The following STXBP5L variants were observed in gnomAD, a reference collection of about 807,000 sequenced individuals.
The protein encoded by STXBP5L is syntaxin-binding protein 5-like.
STXBP5L carries 65 observed loss-of-function variants against 144.5 expected under a neutral mutation model. The ratio of observed to expected loss-of-function variants is 0.45; its 90% CI spans 0.37 to 0.55. The LOEUF is 0.55. STXBP5L is among the 20% of genes least tolerant of loss of function. The pLI is 0.00. For missense variants in STXBP5L, 1,298 were observed against 1,405.5 expected, an observed-to-expected ratio of 0.92 and a Z score of 1.22; for synonymous variants, 505 against 469.6, an observed-to-expected ratio of 1.08 and a Z score of -0.97.
intron 9 of STXBP5L, among the ~76,000 whole-genome samples, chr3:121,201,868 G>C (rs1174235191): frequency 6.6e-6 from 1 of 152,124 alleles, no homozygotes; most frequent in Non-Finnish European, 1.5e-5. Context: ...GGATTCTCGT[G>C]CCTCAGCCTC....
chr3:121,407,557 G>A lies in STXBP5L; in HGVS notation c.2902G>A (p.Ala968Thr), dbSNP rs190278242. The stretch of plus-strand genomic sequence containing the variant: ...AAATGTGGTGGTCATGTGTAGCAGT[G>A]CCTGCTTGGCATGCTTTTGTGCTAA... ...QANVVVMCSS[A>T]CLACFCANGH... The change falls in exon 23 of 27, where the codon GCC (alanine) becomes ACC (threonine). Residue 968 changes from alanine (A) to threonine (T), a missense_variant. Coordinates refer to ENST00000471454, the MANE Select transcript of STXBP5L (RefSeq NM_001308330.2). The A allele has an allele frequency of 2.0e-4, 329 of 1,613,346 alleles. No individual in the cohort carries two copies. The African/African-American group carries it at 4.1e-3, about 20-fold the overall frequency.
intron 7 of STXBP5L, among the ~76,000 whole-genome samples, chr3:121,141,446 C>G (rs1230940174): frequency 1.3e-5 from 2 of 151,828 alleles, no homozygotes; most frequent in South Asian, 2.1e-4. Context: ...GGTAAATATA[C>G]AAACAAATTC....
intron 4 of STXBP5L, among the ~76,000 whole-genome samples, chr3:121,044,095 C>T (rs1947345289): frequency 6.6e-6 from 1 of 151,940 alleles, no homozygotes; most frequent in Non-Finnish European, 1.5e-5. Flanking sequence ...TATAGAATAC[C>T]TCCTATTTCA....
At chr3:121,074,121 A>G (rs1560093623) in intron 5 of STXBP5L, among the ~76,000 whole-genome samples, 1 of 152,170 alleles carries the variant, frequency 6.6e-6, no homozygotes, top group Non-Finnish European at 1.5e-5. Context: ...TTCCTCAAAA[A>G]TGATTGGGGG....
intron 3 of STXBP5L, among the ~76,000 whole-genome samples, chr3:120,973,549 A>AT (rs1261721616): frequency 1.1e-4 from 16 of 150,434 alleles, no homozygotes; most frequent in Non-Finnish European, 1.3e-4. Flanking sequence ...GATTCTTTAT[A>AT]TTTTTTTATT....
rs377402641 is a variant in STXBP5L, at chr3:121,187,378, A to G, written c.878-18545A>G. On this transcript the variant is annotated intron_variant, in intron 9 of 26. Coordinates refer to ENST00000471454, the MANE Select transcript of STXBP5L (RefSeq NM_001308330.2). ...AGAACACATGGACACAGGAAGGGGA[A>G]CATCACACACTGGGGCCTGTTGTAG... Among the ~76,000 whole-genome samples, 47 of 133,244 alleles carry G rather than the reference A, an allele frequency of 3.5e-4. No homozygotes were observed. The East Asian group carries it at 8.6e-3, about 24-fold the overall frequency. 87.4% of individuals were successfully genotyped at this position (133,244 alleles called of 152,430 possible).
chr3:121,001,787 C>A (rs1444258076), intron 3 of STXBP5L, among the ~76,000 whole-genome samples: 1 of 151,818 alleles, frequency 6.6e-6, no homozygotes, highest in Non-Finnish European at 1.5e-5. Context: ...ACTCTCAAAG[C>A]CTTCCTTCTG....
intron 5 of STXBP5L, among the ~76,000 whole-genome samples, chr3:121,091,815 A>T (rs1313034242): frequency 6.6e-6 from 1 of 151,918 alleles, no homozygotes; most frequent in Non-Finnish European, 1.5e-5. Context: ...TTTTATTGCC[A>T]TTGCTTTTGG....
intron 20 of STXBP5L, among the ~76,000 whole-genome samples, chr3:121,332,424 AC>A (rs1407776138): frequency 6.8e-4 from 102 of 149,132 alleles, no homozygotes; most frequent in Middle Eastern, 3.5e-3. Flanking sequence ...AAAAAAAAAA[AC>A]CAGAACTTCT....
intron 22 of STXBP5L, among the ~76,000 whole-genome samples, chr3:121,387,523 T>C (rs1219602214): frequency 2.0e-5 from 3 of 152,172 alleles, no homozygotes; most frequent in African/African-American, 7.2e-5. Context: ...TCTTCTAGGG[T>C]TTTTATGGTT....
chr3:121,354,880 A>T (rs1170452077), intron 20 of STXBP5L, among the ~76,000 whole-genome samples: 1 of 152,138 alleles, frequency 6.6e-6, no homozygotes, highest in Non-Finnish European at 1.5e-5. Flanking sequence ...CTTGTAAGGC[A>T]GGCTTGGTGG....
chr3:120,912,272 TGTC>T (rs886564483), intron 2 of STXBP5L, among the ~76,000 whole-genome samples: 1 of 152,004 alleles, frequency 6.6e-6, no homozygotes, highest in Non-Finnish European at 1.5e-5. Flanking sequence ...ATGTTAATTA[TGTC>T]ATTTCCTTGC....
At chr3:120,991,749 G>A (rs940824502) in intron 3 of STXBP5L, among the ~76,000 whole-genome samples, 1 of 151,620 alleles carries the variant, frequency 6.6e-6, no homozygotes, top group African/African-American at 2.4e-5. Flanking sequence ...CTCATAGGTG[G>A]GAATTGAACA....
intron 19 of STXBP5L, among the ~76,000 whole-genome samples, chr3:121,295,206 A>G (rs149785762): frequency 0.034 from 5,248 of 152,176 alleles, 338 homozygotes; most frequent in Admixed American, 0.17. Context: ...TAACTAAAGG[A>G]AAAAAATTCT....
intron 5 of STXBP5L, among the ~76,000 whole-genome samples, chr3:121,050,351 A>G (rs575460629): frequency 6.6e-6 from 1 of 152,284 alleles, no homozygotes; most frequent in East Asian, 1.9e-4. Context: ...AAAATAAGTA[A>G]TGTAGCAGAA....
intron 18 of STXBP5L, among the ~76,000 whole-genome samples, chr3:121,263,441 CAA>C (rs2050450761): frequency 6.6e-6 from 1 of 152,030 alleles, no homozygotes; most frequent in African/African-American, 2.4e-5. Context: ...TCCTCACCAG[CAA>C]GGGAACAAAA....
intron 2 of STXBP5L, among the ~76,000 whole-genome samples, chr3:120,952,571 A>G (rs1247497598): frequency 1.3e-5 from 2 of 152,034 alleles, no homozygotes. Flanking sequence ...ATGGTAAAGC[A>G]CTGGATTTAT....
At chr3:121,305,503 T>C (rs2043306576) in intron 19 of STXBP5L, among the ~76,000 whole-genome samples, 1 of 152,098 alleles carries the variant, frequency 6.6e-6, no homozygotes, top group African/African-American at 2.4e-5. Flanking sequence ...AAGTTTAAAA[T>C]TTGAAAATCA....
chr3:121,379,711 G>A (rs1260785253), intron 21 of STXBP5L, among the ~76,000 whole-genome samples: 2 of 152,048 alleles, frequency 1.3e-5, no homozygotes, highest in Non-Finnish European at 2.9e-5. Flanking sequence ...TCTCTAACAG[G>A]TGTCTGTGAG....
Sources: gnomAD v4.1 joint callset for allele counts (sites outside exome capture counted in the v4.1 genomes callset) on GRCh38, gnomAD v4.1.1 for gene constraint, MANE v1.5 for transcripts, NCBI Gene and HGNC (gene_info 2026-07-23, HGNC 2026-07-21) for gene names.